Variants in RBFOX3 observed in about 807,000 individuals in gnomAD.
The protein encoded by RBFOX3 is RNA binding protein fox-1 homolog 3.
Under a neutral mutation model 48.7 loss-of-function variants are expected in RBFOX3, and 17 were observed. That is an observed-to-expected ratio of 0.35 (90% CI 0.24 to 0.52). The LOEUF is 0.52. Among genes scored for constraint, RBFOX3 ranks in the 20% least tolerant of loss-of-function variants. The pLI is 0.94. For synonymous variants in RBFOX3, 212 were observed against 209.5 expected (o/e 1.01, Z -0.10); for missense variants, 382 against 497.5 (o/e 0.77, Z 2.21).
chr17:79,228,852 A>G (rs1335179545), intron 4 of RBFOX3, among the ~76,000 whole-genome samples: 3 of 152,198 alleles, frequency 2.0e-5, no homozygotes, highest in Non-Finnish European at 4.4e-5. Context: ...GACTCATTAC[A>G]AAACACTCTG....
At chr17:79,398,544 G>T (rs1378911215) in intron 2 of RBFOX3, among the ~76,000 whole-genome samples, 2 of 152,136 alleles carry the variant, frequency 1.3e-5, no homozygotes, top group African/African-American at 4.8e-5. Context: ...TGGAGACATT[G>T]TTGGTCATCG....
upstream of RBFOX3, among the ~76,000 whole-genome samples, chr17:79,611,322 G>A (rs1353451841): frequency 6.6e-6 from 1 of 151,450 alleles, no homozygotes; most frequent in Non-Finnish European, 1.5e-5. Context: ...CATGGGAGGG[G>A]GCTCTGGCTG....
intron 4 of RBFOX3, among the ~76,000 whole-genome samples, chr17:79,127,612 C>T (rs1308084986): frequency 1.3e-5 from 2 of 152,152 alleles, no homozygotes; most frequent in Non-Finnish European, 2.9e-5. Flanking sequence ...AGGGAAGGCC[C>T]AGGTGCCCCC....
At chr17:79,434,419 G>T (rs1555730003) in intron 2 of RBFOX3, among the ~76,000 whole-genome samples, 1 of 152,220 alleles carries the variant, frequency 6.6e-6, no homozygotes, top group African/African-American at 2.4e-5. Context: ...ACTTACACAT[G>T]ATGAAGACCC....
chr17:79,389,738 G>C (rs952243053), intron 2 of RBFOX3, among the ~76,000 whole-genome samples: 1 of 152,186 alleles, frequency 6.6e-6, no homozygotes, highest in African/African-American at 2.4e-5. Flanking sequence ...TCCAGGCTGG[G>C]GACCGTACTT....
intron 14 of RBFOX3, chr17:79,092,032 T>A: frequency 1.0e-6 from 1 of 985,422 alleles, no homozygotes; most frequent in Non-Finnish European, 1.2e-6. Context: ...GTTGGCTGGG[T>A]GAAGGCCTGC....
chr17:79,429,015 C>T (rs374744689), intron 2 of RBFOX3, among the ~76,000 whole-genome samples: 1 of 152,182 alleles, frequency 6.6e-6, no homozygotes, highest in African/African-American at 2.4e-5. Flanking sequence ...GCCAGTGACT[C>T]CCCCAGAGAG....
chr17:79,540,140 C>T (rs1363960575), intron 1 of RBFOX3, among the ~76,000 whole-genome samples: 1 of 152,242 alleles, frequency 6.6e-6, no homozygotes, highest in Non-Finnish European at 1.5e-5. Flanking sequence ...TAATCACACG[C>T]ATGCACACAC....
intron 2 of RBFOX3, among the ~76,000 whole-genome samples, chr17:79,317,374 G>A (rs186352326): frequency 2.0e-5 from 3 of 152,344 alleles, no homozygotes; most frequent in African/African-American, 4.8e-5. Flanking sequence ...AGACCCACAC[G>A]GACCTCAGAA....
intron 1 of RBFOX3, among the ~76,000 whole-genome samples, chr17:79,552,266 T>C (rs1274177755): frequency 6.6e-6 from 1 of 152,218 alleles, no homozygotes; most frequent in African/African-American, 2.4e-5. Flanking sequence ...TATAGGCCTG[T>C]ATGCTATGGA....
intron 2 of RBFOX3, among the ~76,000 whole-genome samples, chr17:79,374,181 G>A (rs1054031714): frequency 1.3e-5 from 2 of 152,320 alleles, no homozygotes; most frequent in African/African-American, 2.4e-5. Flanking sequence ...AGTTTTCTAA[G>A]CACCTGGTGC....
chr17:79,096,416 G>A (rs1278172717), intron 12 of RBFOX3, among the ~76,000 whole-genome samples: 1 of 152,188 alleles, frequency 6.6e-6, no homozygotes, highest in African/African-American at 2.4e-5. Flanking sequence ...CAGCTCACAG[G>A]GCTGCTGGGC....
intron 4 of RBFOX3, among the ~76,000 whole-genome samples, chr17:79,118,990 A>T (rs373747840): frequency 0.012 from 1,804 of 148,536 alleles, 33 homozygotes; most frequent in East Asian, 0.042. Flanking sequence ...AAAAAAAAAA[A>T]AAATAAAGAA....
At chr17:79,360,647 A>T (rs2086156046) in intron 2 of RBFOX3, among the ~76,000 whole-genome samples, 1 of 152,190 alleles carries the variant, frequency 6.6e-6, no homozygotes, top group South Asian at 2.1e-4. Context: ...CCATTAAAAA[A>T]AACTAGCCAG....
the RBFOX3 span, among the ~76,000 whole-genome samples, chr17:79,620,528 C>T: frequency 9.1e-4 from 138 of 151,300 alleles, 1 homozygote; most frequent in Admixed American, 7.0e-3. Context: ...CACATGCATA[C>T]GCGCACATGC....
rs797037384 is a variant in RBFOX3 at position 79,481,630 on chromosome 17, G to A, written c.-175+824C>T. On this transcript the variant is annotated intron_variant, in intron 2 of 14. Coordinates refer to ENST00000693108, the MANE Select transcript of RBFOX3 (RefSeq NM_001350451.2). The surrounding 1 kb of genome is among the most constrained non-coding windows in gnomAD (Gnocchi z 5.4). ...AGAGGGCTAGAGACAGCTCAGTCACGTGGCTCGGGGAGCTTGCGGTTGGTG... is the reference window on the plus strand; with the variant it reads ...AGAGGGCTAGAGACAGCTCAGTCACATGGCTCGGGGAGCTTGCGGTTGGTG... Among the ~76,000 whole-genome samples the A allele has an allele frequency of 1.8e-3, 269 of 152,294 alleles. 2 individuals are homozygous for A. Among genetic ancestry groups the A allele is most frequent in the African/African-American group, 6.1e-3 (252 of 41,558 alleles).
intron 1 of RBFOX3, among the ~76,000 whole-genome samples, chr17:79,570,994 T>A (rs1378081156): frequency 6.6e-6 from 1 of 152,116 alleles, no homozygotes; most frequent in East Asian, 1.9e-4. Context: ...TTTTATAAAA[T>A]AGAGTGGCAG....
intron 1 of RBFOX3, among the ~76,000 whole-genome samples, chr17:79,578,278 C>G (rs1234307657): frequency 6.6e-6 from 1 of 152,284 alleles, no homozygotes; most frequent in Non-Finnish European, 1.5e-5. Flanking sequence ...TCAGGGCACT[C>G]AAGCCCTCCA....
intron 3 of RBFOX3, among the ~76,000 whole-genome samples, chr17:79,251,591 C>T (rs1202343691): frequency 6.6e-6 from 1 of 152,202 alleles, no homozygotes; most frequent in Non-Finnish European, 1.5e-5. Flanking sequence ...CTCCGCTACC[C>T]ACAAATCCAC....
Sources: allele counts gnomAD v4.1 joint callset (sites outside exome capture counted in the v4.1 genomes callset), GRCh38; gene constraint gnomAD v4.1.1; non-coding constraint Gnocchi (gnomAD v3.1); transcripts MANE v1.5; gene names NCBI Gene and HGNC (gene_info 2026-07-23, HGNC 2026-07-21).